Variants in MCM5 observed in about 807,000 individuals in gnomAD.
The protein encoded by MCM5 is minichromosome maintenance complex component 5.
MCM5 carries 46 observed loss-of-function variants against 79.9 expected under a neutral mutation model. That is an observed-to-expected ratio of 0.58 (90% CI 0.45 to 0.74). MCM5 has a LOEUF of 0.74. MCM5 is among the 30% of genes least tolerant of loss of function. The pLI is 0.00. For missense variants in MCM5, 883 were observed against 1,017.0 expected, an observed-to-expected ratio of 0.87 and a Z score of 1.79; for synonymous variants, 404 against 390.5, an observed-to-expected ratio of 1.03 and a Z score of -0.41.
chr22:35,417,275 A>T (rs1932570617), intron 12 of MCM5, among the ~76,000 whole-genome samples: 1 of 152,236 alleles, frequency 6.6e-6, no homozygotes, highest in Admixed American at 6.5e-5. Flanking sequence ...GAATCTTTGT[A>T]CTTGGGCAGC....
Position 35,424,247 on chromosome 22 carries a change from C to A in MCM5, c.2197C>A (p.Leu733Ile). Residue 733 changes from leucine to isoleucine, a missense_variant, in exon 17 of 17, where the codon CTC becomes ATC. Coordinates refer to ENST00000216122, the MANE Select transcript of MCM5 (RefSeq NM_006739.4). Reference protein sequence around the residue: ...HRMQRKVLYRLK With the variant: ...HRMQRKVLYRIK ...CATGCAGCGCAAGGTTCTCTACCGC[C>A]TCAAGTGAGTCGCGCCGCCTCACTG... is the stretch of plus-strand genomic sequence containing the variant. 1 of 1,545,496 alleles carries A rather than the reference C, an allele frequency of 6.5e-7. No individual in the cohort carries two copies. The highest frequency in any genetic ancestry group is 2.5e-5 in the East Asian group (1 of 40,594).
Position 35,416,101 on chromosome 22 carries a change from A to G in MCM5, c.1347+129A>G, listed in dbSNP as rs1453897742. The G allele has an allele frequency of 8.9e-6, 11 of 1,236,620 alleles. No homozygotes were observed. The Admixed American group carries it at 1.8e-4, about 20-fold the overall frequency. 76.6% of individuals were successfully genotyped at this position (1,236,620 alleles called of 1,614,324 possible). On this transcript the variant is annotated intron_variant, in intron 10 of 16. Coordinates refer to ENST00000216122, the MANE Select transcript of MCM5 (RefSeq NM_006739.4). ...TTTCAATCCCTGGGCCGGTCACTCT[A>G]GTAACTGTGGGAAGCTGCTTAACCT...
At position 35,410,888 on chromosome 22, in the gene MCM5, C is replaced by G; in HGVS notation, c.897C>G (p.Ile299Met). Residue 299 changes from isoleucine to methionine, a missense_variant, in exon 7 of 17, where the codon ATC (isoleucine) becomes ATG (methionine). Coordinates refer to ENST00000216122, the MANE Select transcript of MCM5 (RefSeq NM_006739.4). ...IRSSYIRVLGIQVDTDGSGRS... is the reference protein window; with the variant it reads ...IRSSYIRVLGMQVDTDGSGRS... Reference sequence around the variant, plus strand: ...GCTCCTACATCCGTGTCCTGGGCATCCAGGTGGACACAGATGGCTCTGGTG... The same window carrying G: ...GCTCCTACATCCGTGTCCTGGGCATGCAGGTGGACACAGATGGCTCTGGTG... The G allele has an allele frequency of 6.2e-7, 1 of 1,608,094 alleles. No homozygotes were observed. Among genetic ancestry groups the G allele is most frequent in the South Asian group, 1.1e-5 (1 of 90,648 alleles).
At chr22:35,449,474 G>A in the MCM5 span, among the ~76,000 whole-genome samples, 7 of 151,786 alleles carry the variant, frequency 4.6e-5, no homozygotes, top group South Asian at 2.1e-4. Context: ...TCCCAGTTGC[G>A]GCTTCTCTGT....
At chr22:35,408,311 C>T (rs112535820) in intron 5 of MCM5, 97 bp from the exon 6 acceptor site, 32 of 1,195,996 alleles carry the variant, frequency 2.7e-5, no homozygotes, top group African/African-American at 3.0e-5. Flanking sequence ...CATAAATTGC[C>T]GCTGGCAACG....
chr22:35,400,812 A>G (rs1393904816), intron 2 of MCM5, among the ~76,000 whole-genome samples: 4 of 151,268 alleles, frequency 2.6e-5, no homozygotes, highest in Admixed American at 1.3e-4. Flanking sequence ...ATTTTATTTT[A>G]TTATTAACGT....
intron 16 of MCM5, 88 bp from the exon 17 acceptor site, chr22:35,424,066 A>G (rs1932754098): frequency 1.2e-6 from 1 of 845,798 alleles, no homozygotes; most frequent in East Asian, 2.8e-5. Flanking sequence ...GCCTGAGTAC[A>G]AAGTTCCCCG....
chr22:35,446,194 C>T, the MCM5 span, among the ~76,000 whole-genome samples: 4 of 152,166 alleles, frequency 2.6e-5, no homozygotes, highest in African/African-American at 4.8e-5. Flanking sequence ...TAGGCATATC[C>T]GAATTTAACA....
chr22:35,401,302 T>C, intron 2 of MCM5: 2 of 437,250 alleles, frequency 4.6e-6, no homozygotes, highest in Admixed American at 2.5e-5. Flanking sequence ...TCAAGTTCCC[T>C]GTAGGTGTAA....
chr22:35,438,702 C>T, the MCM5 span, among the ~76,000 whole-genome samples: 1 of 102,422 alleles, frequency 9.8e-6, no homozygotes, highest in Non-Finnish European at 2.0e-5. Context: ...CACCCACCCA[C>T]ATATTCATCC....
the MCM5 span, among the ~76,000 whole-genome samples, chr22:35,451,463 G>A: frequency 7.2e-5 from 11 of 152,238 alleles, no homozygotes; most frequent in Admixed American, 3.3e-4. Context: ...AACCTCAGCC[G>A]GCCGGTTGTT....
the MCM5 span, among the ~76,000 whole-genome samples, chr22:35,446,537 G>T: frequency 6.6e-6 from 1 of 152,088 alleles, no homozygotes; most frequent in Admixed American, 6.5e-5. Context: ...TGACTCAGAG[G>T]CCAGCTCACA....
In MCM5 at chr22:35,410,170, G is replaced by A. The variant is rs180781848; in HGVS notation, c.753-574G>A. ...AATGACTTCGTTGAGGTCACACAGC[G>A]ACTAAGTGTCCCTCCACACCACCCT... On this transcript the variant is annotated intron_variant, in intron 6 of 16. Transcript: ENST00000216122. 1.5e-3 allele frequency among the ~76,000 whole-genome samples: 222 copies of A among 152,182 alleles called. 1 individual carries two copies. Among genetic ancestry groups the A allele is most frequent in the African/African-American group, 4.5e-3 (188 of 41,528 alleles).
intron 4 of MCM5, among the ~76,000 whole-genome samples, chr22:35,406,312 G>T (rs1932214414): frequency 1.3e-5 from 1 of 75,808 alleles, no homozygotes; most frequent in Admixed American, 1.7e-4. Context: ...CCCCCCAATT[G>T]TGCTGCGAGG....
At chr22:35,447,593 C>T in the MCM5 span, among the ~76,000 whole-genome samples, 12 of 152,198 alleles carry the variant, frequency 7.9e-5, no homozygotes, top group African/African-American at 2.9e-4. Context: ...CTGCCTCAGC[C>T]TCCCGAGTAG....
intron 2 of MCM5, 150 bp downstream of exon 2, chr22:35,400,755 C>G: frequency 1.3e-6 from 1 of 743,662 alleles, no homozygotes; most frequent in East Asian, 2.7e-5. Context: ...TCCCGGCAGC[C>G]TCACGCCTTG....
At chr22:35,407,134 A>G (rs1419845423) in intron 5 of MCM5, among the ~76,000 whole-genome samples, 1 of 152,198 alleles carries the variant, frequency 6.6e-6, no homozygotes, top group Non-Finnish European at 1.5e-5. Context: ...CTACAAAGGC[A>G]GGGTATGTGG....
the MCM5 span, among the ~76,000 whole-genome samples, chr22:35,448,426 T>A: frequency 6.6e-6 from 1 of 152,058 alleles, no homozygotes; most frequent in South Asian, 2.1e-4. Context: ...TTCCAGCAGC[T>A]GGAGTCATCT....
chr22:35,449,447 C>T, the MCM5 span, among the ~76,000 whole-genome samples: 1 of 152,146 alleles, frequency 6.6e-6, no homozygotes, highest in African/African-American at 2.4e-5. Flanking sequence ...TTCTCTGCCC[C>T]AGCCATGGCC....
Sources: gnomAD v4.1 joint callset for allele counts (sites outside exome capture counted in the v4.1 genomes callset) on GRCh38, gnomAD v4.1.1 for gene constraint, MANE v1.5 for transcripts, NCBI Gene and HGNC (gene_info 2026-07-23, HGNC 2026-07-21) for gene names.